Variants in PRKN observed in about 807,000 individuals in gnomAD.
The protein encoded by PRKN is parkin RBR E3 ubiquitin protein ligase.
A neutral mutation model predicts 59.5 loss-of-function variants in PRKN; 56 were observed. The observed-to-expected ratio is 0.94, with a 90% CI of 0.76 to 1.18. The LOEUF (loss-of-function observed/expected upper bound fraction) is 1.18, where lower values mean the gene tolerates loss of function less well. PRKN is among the 50% of genes most tolerant of loss of function. PRKN has a pLI of 0.00. For missense variants in PRKN, 657 were observed against 596.4 expected (o/e 1.10, Z -1.06); for synonymous variants, 250 against 222.1 (o/e 1.13, Z -1.12).
intron 4 of PRKN, among the ~76,000 whole-genome samples, chr6:162,177,595 AAAC>A (rs576958020): frequency 1.3e-3 from 204 of 152,348 alleles, no homozygotes; most frequent in African/African-American, 4.5e-3. Flanking sequence ...AAAAAAAGAA[AAAC>A]AACAATTACT....
At chr6:162,637,407 C>T (rs1777767904) in intron 1 of PRKN, among the ~76,000 whole-genome samples, 1 of 152,000 alleles carries the variant, frequency 6.6e-6, no homozygotes, top group Admixed American at 6.6e-5. Context: ...AGGAGCACAA[C>T]CAAATATTGC....
At chr6:161,608,594 G>A (rs987599122) in intron 7 of PRKN, among the ~76,000 whole-genome samples, 8 of 151,700 alleles carry the variant, frequency 5.3e-5, no homozygotes, top group African/African-American at 1.7e-4. Context: ...GTGCAGTGGC[G>A]TGATCTTGGC....
chr6:162,569,859 C>T (rs867972880), intron 1 of PRKN: 1 of 361,124 alleles, frequency 2.8e-6, no homozygotes, highest in Non-Finnish European at 5.2e-6. Context: ...TCAGCCCACC[C>T]ACGGGGGAGT....
chr6:162,175,048 T>A (rs188576699), intron 4 of PRKN, among the ~76,000 whole-genome samples: 205 of 152,334 alleles, frequency 1.3e-3, no homozygotes, highest in Middle Eastern at 3.4e-3. Context: ...TCACAGAAAG[T>A]TTAATTCAAA....
intron 7 of PRKN, among the ~76,000 whole-genome samples, chr6:161,750,142 C>CACACACATATATAT (rs765990689): frequency 5.8e-5 from 8 of 136,980 alleles, no homozygotes; most frequent in African/African-American, 2.2e-4. Flanking sequence ...CACACACACA[C>CACACACATATATAT]ATATATAAAT....
chr6:162,294,256 G>A (rs1480901167), intron 2 of PRKN, among the ~76,000 whole-genome samples: 1 of 152,026 alleles, frequency 6.6e-6, no homozygotes, highest in Non-Finnish European at 1.5e-5. Context: ...TCTGTTTCCT[G>A]GCCCCATTCT....
In PRKN at chr6:161,371,701, C is replaced by G. The variant is rs1242433339; in HGVS notation, c.1168-11496G>C. 1.3e-5 allele frequency among the ~76,000 whole-genome samples: 2 copies of G among 151,824 alleles called. No individual in the cohort carries two copies. The highest frequency in any genetic ancestry group is 2.9e-5 in the Non-Finnish European group (2 of 67,944). On this transcript the variant is annotated intron_variant, in intron 10 of 11. Coordinates refer to ENST00000366898, the MANE Select transcript of PRKN (RefSeq NM_004562.3). This position sits in a 1 kb window ranked among gnomAD's most constrained non-coding sequence, Gnocchi z 5.5. Reference sequence around the variant, plus strand: ...TCACCTAGGCTGGAGTGCAATGACACAATCTCGGCTCACTACAACCTCCAC... The same window carrying G: ...TCACCTAGGCTGGAGTGCAATGACAGAATCTCGGCTCACTACAACCTCCAC...
At chr6:162,399,652 C>T (rs1166575544) in intron 2 of PRKN, among the ~76,000 whole-genome samples, 1 of 152,006 alleles carries the variant, frequency 6.6e-6, no homozygotes, top group African/African-American at 2.4e-5. Flanking sequence ...CTCAACAGAA[C>T]TCTCTGGCAA....
chr6:162,505,848 C>G (rs1793586721), intron 1 of PRKN, among the ~76,000 whole-genome samples: 1 of 152,190 alleles, frequency 6.6e-6, no homozygotes, highest in African/African-American at 2.4e-5. Flanking sequence ...AGATTATTCT[C>G]TGCATTTTTC....
intron 7 of PRKN, among the ~76,000 whole-genome samples, chr6:161,623,002 G>A (rs947418137): frequency 3.3e-5 from 5 of 152,108 alleles, no homozygotes; most frequent in Admixed American, 6.6e-5. Context: ...TTTCTTTTCC[G>A]CTTTTTCTTA....
At chr6:162,113,159 T>C (rs1780514129) in intron 4 of PRKN, among the ~76,000 whole-genome samples, 1 of 152,200 alleles carries the variant, frequency 6.6e-6, no homozygotes, top group South Asian at 2.1e-4. Context: ...TAACTGATCA[T>C]TTCTATGTAT....
At chr6:162,413,920 G>A (rs774312487) in intron 2 of PRKN, among the ~76,000 whole-genome samples, 1 of 151,998 alleles carries the variant, frequency 6.6e-6, no homozygotes, top group Non-Finnish European at 1.5e-5. Context: ...GGTGGCTCAC[G>A]CCTGTAGTCC....
intron 7 of PRKN, among the ~76,000 whole-genome samples, chr6:161,751,769 C>T (rs1335915686): frequency 2.6e-5 from 4 of 152,084 alleles, no homozygotes; most frequent in East Asian, 1.9e-4. Flanking sequence ...CAAATTATTA[C>T]GTGGGGTATA....
intron 9 of PRKN, among the ~76,000 whole-genome samples, chr6:161,534,026 C>A (rs1293637552): frequency 6.6e-6 from 1 of 152,080 alleles, no homozygotes; most frequent in Non-Finnish European, 1.5e-5. Flanking sequence ...ATTACTTTTT[C>A]CAAAAGATCT....
intron 6 of PRKN, among the ~76,000 whole-genome samples, chr6:161,933,283 C>G (rs148961572): frequency 6.6e-6 from 1 of 151,614 alleles, no homozygotes; most frequent in African/African-American, 2.4e-5. Context: ...CGTTTCAAAA[C>G]AAAAACAAAA....
In PRKN at chr6:161,468,639, C is replaced by T. The variant is rs1368155625; in HGVS notation, c.1083+80215G>A. On this transcript the variant is annotated intron_variant, in intron 9 of 11. Coordinates refer to ENST00000366898, the MANE Select transcript of PRKN (RefSeq NM_004562.3). The surrounding 1 kb of genome is among the most constrained non-coding windows in gnomAD (Gnocchi z 5.9). ...TCAGATTTAAGTGAAGGTGTCACCA[C>T]AGTCTAAGTTACCATCTCCTGTCCT... Among the ~76,000 whole-genome samples the T allele has an allele frequency of 6.6e-6, 1 of 152,192 alleles. No homozygotes were observed. Among genetic ancestry groups the T allele is most frequent in the South Asian group, 2.1e-4 (1 of 4,832 alleles).
At chr6:161,505,679 A>T (rs1382059623) in intron 9 of PRKN, among the ~76,000 whole-genome samples, 1 of 137,274 alleles carries the variant, frequency 7.3e-6, no homozygotes, top group Admixed American at 7.2e-5. Context: ...TAAGTCTTTA[A>T]TCCATCTTGA....
chr6:161,830,274 T>A (rs1007459421), intron 6 of PRKN, among the ~76,000 whole-genome samples: 4 of 150,666 alleles, frequency 2.7e-5, no homozygotes, highest in Admixed American at 6.6e-5. Flanking sequence ...TTTTTTGAGA[T>A]GGAGTCTCGC....
intron 4 of PRKN, among the ~76,000 whole-genome samples, chr6:162,157,010 C>A (rs1782543312): frequency 1.3e-5 from 2 of 151,522 alleles, no homozygotes; most frequent in South Asian, 4.2e-4. Flanking sequence ...CTTTCCATTT[C>A]TAGTTATTTC....
Sources: allele counts gnomAD v4.1 joint callset (sites outside exome capture counted in the v4.1 genomes callset), GRCh38; gene constraint gnomAD v4.1.1; non-coding constraint Gnocchi (gnomAD v3.1); transcripts MANE v1.5; gene names NCBI Gene and HGNC (gene_info 2026-07-23, HGNC 2026-07-21).